The following C10orf90 variants were observed in gnomAD, a reference collection of about 807,000 sequenced individuals.
The protein encoded by C10orf90 is (E2-independent) E3 ubiquitin-conjugating enzyme FATS.
A neutral mutation model predicts 62.5 loss-of-function variants in C10orf90; 56 were observed. The ratio of observed to expected loss-of-function variants is 0.90; its 90% confidence interval spans 0.72 to 1.12. C10orf90 has a LOEUF of 1.12. Among genes scored for constraint, C10orf90 ranks in the 50% most tolerant of loss-of-function variants. The pLI, the probability that C10orf90 is intolerant of heterozygous loss-of-function variation, is 0.00. For missense variants in C10orf90, 970 were observed against 880.4 expected (o/e 1.10, Z -1.29); for synonymous variants, 386 against 340.4 (o/e 1.13, Z -1.47).
At chr10:126,435,540 C>T (rs1857856940) in intron 7 of C10orf90, among the ~76,000 whole-genome samples, 1 of 152,142 alleles carries the variant, frequency 6.6e-6, no homozygotes, top group African/African-American at 2.4e-5. Flanking sequence ...CCACCATGAA[C>T]ACTGGCAGCC....
chr10:126,589,073 A>G (rs1844930322), intron 2 of C10orf90, among the ~76,000 whole-genome samples: 1 of 152,234 alleles, frequency 6.6e-6, no homozygotes, highest in Non-Finnish European at 1.5e-5. Flanking sequence ...ACAAGTATCA[A>G]TAGCAGAATA....
chr10:126,612,197 T>C (rs1845449266), intron 2 of C10orf90, among the ~76,000 whole-genome samples: 1 of 152,200 alleles, frequency 6.6e-6, no homozygotes, highest in South Asian at 2.1e-4. Flanking sequence ...GGCGCGCACC[T>C]GTAATCCCAG....
At chr10:126,562,696 C>A (rs1010912758) in intron 2 of C10orf90, among the ~76,000 whole-genome samples, 2 of 152,174 alleles carry the variant, frequency 1.3e-5, no homozygotes, top group African/African-American at 2.4e-5. Context: ...TGGTTACAGA[C>A]AATTCTCCTA....
chr10:126,572,126 C>T (rs550437455), intron 2 of C10orf90, among the ~76,000 whole-genome samples: 1 of 152,136 alleles, frequency 6.6e-6, no homozygotes, highest in Non-Finnish European at 1.5e-5. Context: ...CATTCTTAGT[C>T]ACAGGAGGCG....
chr10:126,649,216 T>TC (rs1228831659), intron 1 of C10orf90, among the ~76,000 whole-genome samples: 2 of 152,090 alleles, frequency 1.3e-5, no homozygotes, highest in Admixed American at 1.3e-4. Flanking sequence ...ATGGGGTGAT[T>TC]CAGGAACTTC....
intron 2 of C10orf90, among the ~76,000 whole-genome samples, chr10:126,608,352 T>C (rs1845359490): frequency 6.6e-6 from 1 of 152,184 alleles, no homozygotes; most frequent in African/African-American, 2.4e-5. Context: ...ACTCAAGCGA[T>C]CTTCCCTCCT....
intron 2 of C10orf90, among the ~76,000 whole-genome samples, chr10:126,619,767 G>A (rs925521639): frequency 9.2e-5 from 14 of 152,128 alleles, no homozygotes; most frequent in African/African-American, 3.1e-4. Context: ...AGCATTCTAA[G>A]TAGCTGGAAC....
intron 2 of C10orf90, among the ~76,000 whole-genome samples, chr10:126,579,737 T>C (rs781333487): frequency 1.3e-5 from 2 of 151,748 alleles, no homozygotes; most frequent in Non-Finnish European, 2.9e-5. Context: ...GCAAAATATC[T>C]CACATATGTT....
intron 2 of C10orf90, among the ~76,000 whole-genome samples, chr10:126,626,128 CAAA>C (rs35587001): frequency 0.43 from 46,615 of 109,662 alleles, 8,003 homozygotes; most frequent in South Asian, 0.52. Context: ...GATTCCATCT[CAAA>C]AAAAAAAAAA....
At chr10:126,525,465 A>T (rs1863909099) in intron 2 of C10orf90, among the ~76,000 whole-genome samples, 1 of 152,124 alleles carries the variant, frequency 6.6e-6, no homozygotes, top group Non-Finnish European at 1.5e-5. Flanking sequence ...TGTTCAGCTG[A>T]ATTGGCCGGA....
chr10:126,553,561 A>G (rs982047761), intron 2 of C10orf90, among the ~76,000 whole-genome samples: 8 of 152,306 alleles, frequency 5.3e-5, no homozygotes, highest in African/African-American at 1.2e-4. Context: ...AGCACAATGC[A>G]TTACCTTTCC....
intron 2 of C10orf90, among the ~76,000 whole-genome samples, chr10:126,642,774 G>A (rs546060272): frequency 6.6e-6 from 1 of 152,226 alleles, no homozygotes; most frequent in African/African-American, 2.4e-5. Flanking sequence ...ACTGCCAGCT[G>A]CTTCGCGAGC....
intron 1 of C10orf90, among the ~76,000 whole-genome samples, chr10:126,652,081 T>C (rs1196865288): frequency 6.6e-6 from 1 of 152,188 alleles, no homozygotes; most frequent in African/African-American, 2.4e-5. Flanking sequence ...TTATTCAATC[T>C]TCTGAACTCT....
intron 2 of C10orf90, among the ~76,000 whole-genome samples, chr10:126,557,935 C>T (rs760226498): frequency 2.0e-5 from 3 of 151,968 alleles, no homozygotes; most frequent in Non-Finnish European, 2.9e-5. Context: ...TGGGGGGTGA[C>T]GGTGTTGAGT....
At chr10:126,490,086 A>AATATATAATATATAATATAATAAT (rs1233845041) in intron 4 of C10orf90, among the ~76,000 whole-genome samples, 6 of 110,892 alleles carry the variant, frequency 5.4e-5, no homozygotes, top group Non-Finnish European at 1.1e-4. Context: ...ATATAATAAT[A>AATATATAATATATAATATAATAAT]ATATATAATA....
chr10:126,582,853 A>G (rs796336080), intron 2 of C10orf90, among the ~76,000 whole-genome samples: 8 of 152,328 alleles, frequency 5.3e-5, no homozygotes, highest in African/African-American at 1.7e-4. Context: ...ACTTGAAAAT[A>G]TATCTTTCAC....
At position 126,458,966 on chromosome 10, in the gene C10orf90, T is replaced by C. The variant is rs549466861; in HGVS notation, c.2188+74A>G. On this transcript the variant is annotated intron_variant, in intron 7 of 9. Transcript: ENST00000488181. ...TGGCATCATTTGGAGCCATCACCCC[T>C]GAGTGAAGCCTCCAGCTCCAGGAAC... 6.0e-5 allele frequency: 89 copies of C among 1,476,444 alleles called. No homozygotes were observed. In the East Asian group the frequency reaches 1.7e-3, roughly 29 times the overall value. 91.5% of individuals were successfully genotyped at this position (1,476,444 alleles called of 1,614,324 possible).
chr10:126,478,042 C>T (rs1860982323), intron 4 of C10orf90, among the ~76,000 whole-genome samples: 2 of 152,116 alleles, frequency 1.3e-5, no homozygotes, highest in South Asian at 2.1e-4. Flanking sequence ...GACATGGCAT[C>T]GTTTGAGAAA....
chr10:126,624,237 T>C (rs1845700944), intron 2 of C10orf90, among the ~76,000 whole-genome samples: 1 of 151,916 alleles, frequency 6.6e-6, no homozygotes, highest in Non-Finnish European at 1.5e-5. Flanking sequence ...TCCCAGCTAA[T>C]GGGGAGGCCA....
Sources: allele counts gnomAD v4.1 joint callset (sites outside exome capture counted in the v4.1 genomes callset), GRCh38; gene constraint gnomAD v4.1.1; transcripts MANE v1.5; gene names NCBI Gene and HGNC (gene_info 2026-07-23, HGNC 2026-07-21).